Variants in FAHD2A observed in about 807,000 individuals in gnomAD.
FAHD2A encodes oxaloacetate tautomerase FAHD2A, mitochondrial.
In FAHD2A, 27 loss-of-function variants were observed where a neutral mutation model predicts 33.4. That is an observed-to-expected ratio of 0.81 (90% CI 0.60 to 1.11). The LOEUF is 1.11. Among genes scored for constraint, FAHD2A ranks in the 50% most tolerant of loss-of-function variants. The pLI is 0.00. For synonymous variants in FAHD2A, 130 were observed against 153.3 expected, an observed-to-expected ratio of 0.85 and a Z score of 1.12; for missense variants, 296 against 395.0, an observed-to-expected ratio of 0.75 and a Z score of 2.12.
chr2:95,410,150 A>C (rs1190561401), intron 3 of FAHD2A, among the ~76,000 whole-genome samples: 1 of 152,254 alleles, frequency 6.6e-6, no homozygotes, highest in African/African-American at 2.4e-5. Flanking sequence ...AGATTAAAAC[A>C]CTTAGAACAG....
At chr2:95,420,006 T>A (rs1271012018), downstream of FAHD2A, among the ~76,000 whole-genome samples, 1 of 152,030 alleles carries the variant, frequency 6.6e-6, no homozygotes, top group Non-Finnish European at 1.5e-5. Context: ...GGAATTCCAA[T>A]GCTGTAAGTT....
In FAHD2A at chr2:95,414,080, C is replaced by T; in HGVS notation, c.*1123C>T. 3.5e-6 allele frequency: 5 copies of T among 1,413,316 alleles called. No individual in the cohort carries two copies. In the Admixed American group the frequency reaches 8.6e-5, roughly 24 times the overall value. 87.5% of individuals were successfully genotyped at this position (1,413,316 alleles called of 1,614,324 possible). On this transcript the variant is annotated 3_prime_UTR_variant, in exon 8 of 8. Coordinates refer to ENST00000233379, the MANE Select transcript of FAHD2A (RefSeq NM_016044.3). ...ACAGGGAGACACTGGGCACAGGCTT[C>T]TCTCCTCTTGTTTAAAGAAGCCCAG... is the stretch of plus-strand genomic sequence containing the variant.
At chr2:95,411,142 T>C in intron 5 of FAHD2A, 116 bp downstream of exon 5, 5 of 1,487,974 alleles carry the variant, frequency 3.4e-6, no homozygotes, top group Non-Finnish European at 3.6e-6. Flanking sequence ...GCCCTTTCAC[T>C]GCTGACTCCA....
chr2:95,403,800 C>T (rs1340592318), intron 1 of FAHD2A, among the ~76,000 whole-genome samples: 1 of 152,218 alleles, frequency 6.6e-6, no homozygotes, highest in Non-Finnish European at 1.5e-5. Context: ...GCTAACAGTA[C>T]CTACCTTCCA....
chr2:95,413,630 G>A lies in FAHD2A; in HGVS notation c.*673G>A, dbSNP rs1479224735. The stretch of plus-strand genomic sequence containing the variant: ...CAGGGACTGTGTCCACATGGCCCAG[G>A]GGCCAGGCCTGTCCCCCAGAAACCT... On this transcript the variant is annotated 3_prime_UTR_variant, in exon 8 of 8. Transcript: ENST00000233379. 2 of 1,451,394 alleles carry A rather than the reference G, an allele frequency of 1.4e-6. No homozygotes were observed. The highest frequency in any genetic ancestry group is 1.8e-6 in the Non-Finnish European group (2 of 1,098,066). 89.9% of individuals were successfully genotyped at this position (1,451,394 alleles called of 1,614,324 possible).
downstream of FAHD2A, among the ~76,000 whole-genome samples, chr2:95,416,945 T>C (rs1369250201): frequency 6.6e-6 from 1 of 152,216 alleles, no homozygotes; most frequent in Non-Finnish European, 1.5e-5. Context: ...GATATGCTTT[T>C]CTTCCAGGCA....
intron 1 of FAHD2A, among the ~76,000 whole-genome samples, chr2:95,404,643 C>A (rs973235128): frequency 6.6e-6 from 1 of 152,220 alleles, no homozygotes; most frequent in African/African-American, 2.4e-5. Flanking sequence ...AAGCACTAAG[C>A]TTTCCCAAGT....
Position 95,413,861 on chromosome 2 carries a change from C to T in FAHD2A, c.*904C>T, listed in dbSNP as rs1016552885. ...GGGTCTTAATGAGGCACCATCAGGC[C>T]AGCCCTGTGGGGTGATGGGAACATA... is the stretch of plus-strand genomic sequence containing the variant. On this transcript the variant is annotated 3_prime_UTR_variant, in exon 8 of 8. Transcript: ENST00000233379. 1.1e-4 allele frequency: 89 copies of T among 811,052 alleles called. No homozygotes were observed. The highest frequency in any genetic ancestry group is 1.8e-4 in the Non-Finnish European group (85 of 469,668). 50.2% of individuals were successfully genotyped at this position (811,052 alleles called of 1,614,324 possible).
chr2:95,412,751 C>A lies in FAHD2A; in HGVS notation c.869C>A (p.Pro290His). ...GGTGTCGGTGTATTCAGGAAACCTCCTGTCTTTCTCAAGGTAGGTTAGCGA... is the reference window on the plus strand; with the variant it reads ...GGTGTCGGTGTATTCAGGAAACCTCATGTCTTTCTCAAGGTAGGTTAGCGA... The part of the protein sequence containing the change: ...PPGVGVFRKP[P>H]VFLKKGDEVQ... The change falls in exon 7 of 8, where the codon CCT becomes CAT. Residue 290 changes from proline to histidine, a missense_variant. Physicochemically the swap from Pro to His is moderately conservative, Grantham distance 77. Coordinates refer to ENST00000233379, the MANE Select transcript of FAHD2A (RefSeq NM_016044.3). 2 of 1,614,182 alleles carry A rather than the reference C, an allele frequency of 1.2e-6. No homozygotes were observed. The highest frequency in any genetic ancestry group is 1.7e-6 in the Non-Finnish European group (2 of 1,180,014).
In FAHD2A at chr2:95,416,104, A is replaced by G; in HGVS notation, c.*3147A>G. On this transcript the variant is annotated 3_prime_UTR_variant, in exon 8 of 8. Coordinates refer to ENST00000233379, the MANE Select transcript of FAHD2A (RefSeq NM_016044.3). The stretch of plus-strand genomic sequence containing the variant: ...CAAGACAGCTGCTAGGTGAAGGGGA[A>G]TGACCAGGCAGCCACAGGGAGGACA... 6.6e-6 allele frequency: 1 copy of G among 152,156 alleles called. No homozygotes were observed. Among genetic ancestry groups the G allele is most frequent in the Non-Finnish European group, 1.5e-5 (1 of 68,028 alleles). 9.4% of individuals were successfully genotyped at this position (152,156 alleles called of 1,614,324 possible).
chr2:95,409,791 C>G (rs1682181629), intron 3 of FAHD2A, among the ~76,000 whole-genome samples: 1 of 152,188 alleles, frequency 6.6e-6, no homozygotes, highest in Admixed American at 6.5e-5. Context: ...AGTGAGGGGC[C>G]TTCAAGTTGG....
rs1468085542 is a variant in FAHD2A, at chr2:95,413,911, T to C, written c.*954T>C. Reference sequence around the variant, plus strand: ...AGCTGGGTTTCCCTGAGCCACTCTATTGGGGTGGGAGCAGGGGGACAGAAG... The same window carrying C: ...AGCTGGGTTTCCCTGAGCCACTCTACTGGGGTGGGAGCAGGGGGACAGAAG... On this transcript the variant is annotated 3_prime_UTR_variant, in exon 8 of 8. Coordinates refer to ENST00000233379, the MANE Select transcript of FAHD2A (RefSeq NM_016044.3). 6 of 1,070,138 alleles carry C rather than the reference T, an allele frequency of 5.6e-6. No individual in the cohort carries two copies. The highest frequency in any genetic ancestry group is 1.7e-5 in the Admixed American group (1 of 58,932). 66.3% of individuals were successfully genotyped at this position (1,070,138 alleles called of 1,614,324 possible).
rs1682823247 is a variant in FAHD2A, at chr2:95,413,268, T to C, written c.*311T>C. On this transcript the variant is annotated 3_prime_UTR_variant, in exon 8 of 8. Transcript: ENST00000233379. ...TGCTGCTGGGCTGGGGAAAAGACAA[T>C]TCGTGTCGTCCCCTTGTTTATCACA... 12 of 1,339,736 alleles carry C rather than the reference T, an allele frequency of 9.0e-6. No individual in the cohort carries two copies. Among genetic ancestry groups the C allele is most frequent in the African/African-American group, 1.5e-5 (1 of 67,578 alleles). The allele number at this position is 1,339,736 out of a possible 1,614,324, so 83.0% of individuals were successfully genotyped here.
chr2:95,411,447 C>T (rs1312548144), intron 5 of FAHD2A, among the ~76,000 whole-genome samples: 2 of 152,384 alleles, frequency 1.3e-5, no homozygotes, highest in East Asian at 3.9e-4. Context: ...TGACCACACA[C>T]AGTCAGGATA....
chr2:95,411,009 C>T lies in FAHD2A; in HGVS notation c.668C>T (p.Thr223Ile). ...TFCPLGPALV[T>I]KDSVADPHNL... is the part of the protein sequence containing the mutation. Reference sequence around the variant, plus strand: ...TGCCCTCTGGGCCCTGCCTTGGTGACCAAGGACAGTGTAGCAGGTAGGTCC... The same window carrying T: ...TGCCCTCTGGGCCCTGCCTTGGTGATCAAGGACAGTGTAGCAGGTAGGTCC... Residue 223 changes from threonine (T) to isoleucine (I), a missense_variant, in exon 5 of 8, where the codon ACC (threonine) becomes ATC (isoleucine). Coordinates refer to ENST00000233379, the MANE Select transcript of FAHD2A (RefSeq NM_016044.3). 1 of 1,613,986 alleles carries T rather than the reference C, an allele frequency of 6.2e-7. No individual in the cohort carries two copies. Among genetic ancestry groups the T allele is most frequent in the South Asian group, 1.1e-5 (1 of 91,074 alleles).
intron 5 of FAHD2A, 78 bp downstream of exon 5, chr2:95,411,104 G>A: frequency 6.4e-7 from 1 of 1,573,572 alleles, no homozygotes; most frequent in East Asian, 2.2e-5. Flanking sequence ...ATGGGTTCAG[G>A]TACATGTGGC....
downstream of FAHD2A, among the ~76,000 whole-genome samples, chr2:95,421,180 C>T (rs1211850740): frequency 7.1e-5 from 8 of 113,324 alleles, no homozygotes; most frequent in Non-Finnish European, 1.2e-4. Flanking sequence ...AGAGCTGAGA[C>T]CTGAGGCCTC....
downstream of FAHD2A, among the ~76,000 whole-genome samples, chr2:95,417,956 C>G (rs1409518318): frequency 6.6e-6 from 1 of 152,034 alleles, no homozygotes; most frequent in African/African-American, 2.4e-5. Flanking sequence ...AACAAATACC[C>G]CTAAGTTGTC....
chr2:95,412,513 G>C lies in FAHD2A; in HGVS notation c.765G>C (p.Lys255Asn). 6.2e-7 allele frequency: 1 copy of C among 1,613,980 alleles called. No individual in the cohort carries two copies. Among genetic ancestry groups the C allele is most frequent in the Non-Finnish European group, 8.5e-7 (1 of 1,179,868 alleles). Residue 255 changes from lysine to asparagine, a missense_variant, in exon 6 of 8, where the codon AAG becomes AAC. Coordinates refer to ENST00000233379, the MANE Select transcript of FAHD2A (RefSeq NM_016044.3). The part of the protein sequence containing the change: ...QSGNTNQMVF[K>N]TEDLIAWVSQ... ...GCAACACCAACCAGATGGTATTCAA[G>C]ACAGAGGACCTGATAGCCTGGGTCT...
Sources: gnomAD v4.1 joint callset for allele counts (sites outside exome capture counted in the v4.1 genomes callset) on GRCh38, gnomAD v4.1.1 for gene constraint, MANE v1.5 for transcripts, NCBI Gene and HGNC (gene_info 2026-07-23, HGNC 2026-07-21) for gene names.